The following TRIQK variants were observed in gnomAD, a reference collection of about 807,000 sequenced individuals.
TRIQK encodes triple QxxK/R motif containing.
Under a neutral mutation model 10.8 loss-of-function variants are expected in TRIQK, and 10 were observed. The observed-to-expected ratio is 0.92, with a 90% CI of 0.57 to 1.57. The LOEUF (loss-of-function observed/expected upper bound fraction) is 1.57. Among genes scored for constraint, TRIQK ranks in the 40% most tolerant of loss-of-function variants. The probability of loss-of-function intolerance (pLI) is 0.00; values close to 1 mark genes in which losing one functional copy is unlikely to be tolerated. For synonymous variants in TRIQK, 33 were observed against 33.7 expected, an observed-to-expected ratio of 0.98 and a Z score of 0.07; for missense variants, 107 against 97.7, an observed-to-expected ratio of 1.09 and a Z score of -0.40.
chr8:92,938,926 C>T (rs555356157), intron 2 of TRIQK, among the ~76,000 whole-genome samples: 1 of 152,076 alleles, frequency 6.6e-6, no homozygotes, highest in Non-Finnish European at 1.5e-5. Flanking sequence ...TAACTGATTA[C>T]ATTTTTTGCT....
At chr8:92,918,776 C>A (rs960802470) in intron 2 of TRIQK, among the ~76,000 whole-genome samples, 4 of 108,240 alleles carry the variant, frequency 3.7e-5, no homozygotes, top group Non-Finnish European at 5.7e-5. Flanking sequence ...TGAGATCTTA[C>A]CCCCCCCCAC....
intron 2 of TRIQK, among the ~76,000 whole-genome samples, chr8:92,929,880 G>A (rs1021544870): frequency 6.6e-5 from 10 of 152,064 alleles, no homozygotes; most frequent in Non-Finnish European, 1.5e-5. Context: ...GGTTAGTTAA[G>A]CTAGGATTGG....
At chr8:92,957,331 C>T (rs1012884564) in intron 1 of TRIQK, among the ~76,000 whole-genome samples, 1 of 151,202 alleles carries the variant, frequency 6.6e-6, no homozygotes, top group South Asian at 2.1e-4. Flanking sequence ...TGTATATTTA[C>T]GTATACATAC....
At chr8:92,910,364 GA>G (rs1009241065) in intron 3 of TRIQK, among the ~76,000 whole-genome samples, 65 of 146,416 alleles carry the variant, frequency 4.4e-4, no homozygotes, top group Admixed American at 1.6e-3. Flanking sequence ...GAAAAGAAAA[GA>G]AAAAAAAGGA....
intron 2 of TRIQK, among the ~76,000 whole-genome samples, chr8:92,945,380 C>T (rs1405510781): frequency 6.6e-6 from 1 of 152,198 alleles, no homozygotes; most frequent in Non-Finnish European, 1.5e-5. Flanking sequence ...ACAAAGCATA[C>T]GGTGTAGGAT....
At chr8:92,935,162 T>G (rs1305238004) in intron 2 of TRIQK, among the ~76,000 whole-genome samples, 4 of 151,742 alleles carry the variant, frequency 2.6e-5, no homozygotes, top group Non-Finnish European at 5.9e-5. Context: ...TGCTTGATAG[T>G]TAATTGTCGG....
intron 1 of TRIQK, chr8:92,974,009 C>G (rs1353073573): frequency 1.3e-5 from 2 of 152,326 alleles, no homozygotes. Context: ...TGCTCAATAG[C>G]TCCACATCAA....
chr8:92,937,707 T>G (rs1811064597), intron 2 of TRIQK, among the ~76,000 whole-genome samples: 1 of 151,750 alleles, frequency 6.6e-6, no homozygotes, highest in South Asian at 2.1e-4. Flanking sequence ...TTATAATACA[T>G]ATTATGTAAC....
chr8:92,959,937 T>C (rs1313012312), intron 1 of TRIQK, among the ~76,000 whole-genome samples: 1 of 152,156 alleles, frequency 6.6e-6, no homozygotes, highest in Non-Finnish European at 1.5e-5. Flanking sequence ...TGGCATTTCA[T>C]ACTACAGAAA....
chr8:92,939,247 G>T (rs915335386), intron 2 of TRIQK, among the ~76,000 whole-genome samples: 1 of 152,056 alleles, frequency 6.6e-6, no homozygotes, highest in African/African-American at 2.4e-5. Context: ...TCCCCAGTGG[G>T]GTCTCAACTA....
At chr8:92,988,345 G>T (rs1269556636) in intron 1 of TRIQK, among the ~76,000 whole-genome samples, 3 of 152,026 alleles carry the variant, frequency 2.0e-5, no homozygotes, top group East Asian at 1.9e-4. Context: ...ATACCCAAAA[G>T]GTGAACTCAT....
At chr8:92,938,175 T>G (rs1811085956) in intron 2 of TRIQK, among the ~76,000 whole-genome samples, 1 of 152,190 alleles carries the variant, frequency 6.6e-6, no homozygotes, top group East Asian at 1.9e-4. Context: ...ACTTGAAAGC[T>G]AACACTCCTT....
chr8:92,943,840 T>C (rs964077826), intron 2 of TRIQK, among the ~76,000 whole-genome samples: 5 of 151,970 alleles, frequency 3.3e-5, no homozygotes, highest in Admixed American at 6.6e-5. Context: ...AATAGACGAA[T>C]GGGATTCTGC....
intron 1 of TRIQK, among the ~76,000 whole-genome samples, chr8:93,010,500 A>G (rs1326029792): frequency 1.3e-5 from 2 of 152,176 alleles, no homozygotes; most frequent in Non-Finnish European, 2.9e-5. Flanking sequence ...AATCACTAAC[A>G]TTAAAAAATA....
At chr8:92,918,340 C>G (rs879647107) in intron 2 of TRIQK, among the ~76,000 whole-genome samples, 10 of 151,890 alleles carry the variant, frequency 6.6e-5, no homozygotes, top group Non-Finnish European at 1.5e-4. Context: ...TTTTCACCCA[C>G]AGTGTATGAC....
intron 1 of TRIQK, among the ~76,000 whole-genome samples, chr8:93,013,286 A>G (rs1813354610): frequency 6.6e-6 from 1 of 152,148 alleles, no homozygotes; most frequent in African/African-American, 2.4e-5. Context: ...CTCTCATCTC[A>G]TCTAACTTAA....
rs531794989 is a variant in TRIQK at position 92,963,236 on chromosome 8, T to C, written c.-181+2771A>G. 2.0e-5 allele frequency among the ~76,000 whole-genome samples: 3 copies of C among 152,316 alleles called. No individual in the cohort carries two copies. In the East Asian group the frequency reaches 5.8e-4, roughly 29 times the overall value. On this transcript the variant is annotated intron_variant, in intron 1 of 4. Transcript: ENST00000521988. ...ACATTTATGCGTTTTACAAAAGCAA[T>C]AGCTCTTTACCTCTTCAAGTTTTTC... is the stretch of plus-strand genomic sequence containing the variant.
chr8:93,004,154 T>A (rs1359515534), intron 1 of TRIQK, among the ~76,000 whole-genome samples: 1 of 152,214 alleles, frequency 6.6e-6, no homozygotes, highest in East Asian at 1.9e-4. Context: ...AGGTTATTCA[T>A]GAAGGATCTA....
intron 2 of TRIQK, among the ~76,000 whole-genome samples, chr8:92,935,426 AC>A (rs1713168369): frequency 6.6e-6 from 1 of 151,698 alleles, no homozygotes; most frequent in Admixed American, 6.6e-5. Flanking sequence ...TGTTTTGTGC[AC>A]GTTCCTTTAT....
Sources: gnomAD v4.1 joint callset for allele counts (sites outside exome capture counted in the v4.1 genomes callset) on GRCh38, gnomAD v4.1.1 for gene constraint, MANE v1.5 for transcripts, NCBI Gene and HGNC (gene_info 2026-07-23, HGNC 2026-07-21) for gene names.